FHAD1: variants seen among roughly 807,000 people sequenced by gnomAD.
The protein encoded by FHAD1 is forkhead associated phosphopeptide binding domain 1.
A neutral mutation model predicts 191.3 loss-of-function variants in FHAD1; 146 were observed. That is an observed-to-expected ratio of 0.76 (90% confidence interval 0.67 to 0.88). The LOEUF (loss-of-function observed/expected upper bound fraction) is 0.88. Among genes scored for constraint, FHAD1 ranks in the 40% least tolerant of loss-of-function variants. The probability of loss-of-function intolerance (pLI) is 0.00; values close to 1 mark genes in which losing one functional copy is unlikely to be tolerated. For synonymous variants in FHAD1, 616 were observed against 672.3 expected, an observed-to-expected ratio of 0.92 and a Z score of 1.29; for missense variants, 1,635 against 1,785.8, an observed-to-expected ratio of 0.92 and a Z score of 1.52.
intron 4 of FHAD1, among the ~76,000 whole-genome samples, chr1:15,295,711 C>CCA (rs773986511): frequency 2.0e-5 from 3 of 152,208 alleles, no homozygotes; most frequent in East Asian, 3.9e-4. Flanking sequence ...AATGTGGAAC[C>CCA]CACACATATG....
intron 21 of FHAD1, among the ~76,000 whole-genome samples, chr1:15,359,379 G>T (rs933786233): frequency 2.6e-5 from 4 of 152,074 alleles, no homozygotes; most frequent in African/African-American, 9.7e-5. Flanking sequence ...AGAGGCCAAG[G>T]CCCAGCACGT....
intron 3 of FHAD1, among the ~76,000 whole-genome samples, chr1:15,282,058 G>A (rs865859304): frequency 3.9e-5 from 6 of 152,106 alleles, no homozygotes; most frequent in Admixed American, 1.3e-4. Flanking sequence ...AACAGGGCCC[G>A]CACCTTCTGT....
chr1:15,362,747 G>A (rs1407406932), intron 23 of FHAD1, 21 bp downstream of exon 23: 4 of 1,540,688 alleles, frequency 2.6e-6, no homozygotes, highest in Admixed American at 3.9e-5. Context: ...GTGGGTGTGT[G>A]AGCGCCAGGC....
At chr1:15,331,125 T>C (rs1443068188) in intron 14 of FHAD1, among the ~76,000 whole-genome samples, 1 of 152,048 alleles carries the variant, frequency 6.6e-6, no homozygotes. Flanking sequence ...TGTGATTTCT[T>C]TGCTAAAACT....
chr1:15,324,224 G>A (rs1558111426), intron 10 of FHAD1, among the ~76,000 whole-genome samples: 1 of 152,120 alleles, frequency 6.6e-6, no homozygotes. Flanking sequence ...AGAGCCTGGG[G>A]TAGGACAAAT....
intron 16 of FHAD1, among the ~76,000 whole-genome samples, chr1:15,343,393 A>C: frequency 6.9e-6 from 1 of 145,754 alleles, no homozygotes; most frequent in Non-Finnish European, 1.5e-5. Context: ...GATCCACCGG[A>C]CCCCAACTCT....
At chr1:15,382,502 G>A (rs1701144556) in intron 31 of FHAD1, among the ~76,000 whole-genome samples, 1 of 152,294 alleles carries the variant, frequency 6.6e-6, no homozygotes, top group Admixed American at 6.5e-5. Flanking sequence ...TAAGCTCTCA[G>A]AGAGTGGAGA....
chr1:15,262,408 G>A (rs1256272066), intron 2 of FHAD1, among the ~76,000 whole-genome samples: 5 of 152,152 alleles, frequency 3.3e-5, no homozygotes, highest in Non-Finnish European at 7.3e-5. Context: ...GGTCCCAAGG[G>A]AATAGATCAC....
At chr1:15,345,560 C>T (rs112134169) in intron 18 of FHAD1, 37 bp downstream of exon 18, 15,850 of 1,491,758 alleles carry the variant, frequency 0.011, 124 homozygotes, top group Non-Finnish European at 0.012. Flanking sequence ...GAGCCCCAGT[C>T]GGCTTGAGGG....
rs1377736171 is a variant in FHAD1 at position 15,324,955 on chromosome 1, A to G, written c.1473+396A>G. ...CCAGCAGACATTACAGACAGTGTCT[A>G]TAAGGAAATGCCACTTTTCTTAATA... On this transcript the variant is annotated intron_variant, in intron 11 of 33. Coordinates refer to ENST00000688493, the MANE Select transcript of FHAD1 (RefSeq NM_001391957.1). 10 of 232,800 alleles carry G rather than the reference A, an allele frequency of 4.3e-5. No homozygotes were observed. In the East Asian group the frequency reaches 9.6e-4, roughly 22 times the overall value. The allele number at this position is 232,800 out of a possible 1,614,324, so 14.4% of individuals were successfully genotyped here.
chr1:15,317,015 G>A (rs558610399), intron 9 of FHAD1, among the ~76,000 whole-genome samples: 14 of 152,116 alleles, frequency 9.2e-5, no homozygotes, highest in Admixed American at 2.0e-4. Context: ...GTGAAACCCC[G>A]TCTCTACTGA....
chr1:15,309,037 C>T (rs919200006), intron 7 of FHAD1, among the ~76,000 whole-genome samples: 1 of 152,204 alleles, frequency 6.6e-6, no homozygotes, highest in African/African-American at 2.4e-5. Flanking sequence ...AGGGAACACA[C>T]AGGACAAGCT....
At chr1:15,253,814 T>G (rs2100827963) in intron 2 of FHAD1, among the ~76,000 whole-genome samples, 1 of 152,358 alleles carries the variant, frequency 6.6e-6, no homozygotes, top group South Asian at 2.1e-4. Flanking sequence ...TTGCATTGGC[T>G]GGGACTTCCA....
At chr1:15,244,709 C>T (rs1645794659), upstream of FHAD1, among the ~76,000 whole-genome samples, 1 of 152,088 alleles carries the variant, frequency 6.6e-6, no homozygotes. The surrounding 1 kb of genome is among the most constrained non-coding windows in gnomAD (Gnocchi z 5.1). Flanking sequence ...GCAAACAAAA[C>T]ATGAAAAAAG....
At chr1:15,247,988 G>A (rs1488712326) in intron 1 of FHAD1, among the ~76,000 whole-genome samples, 1 of 151,890 alleles carries the variant, frequency 6.6e-6, no homozygotes, top group African/African-American at 2.4e-5. Flanking sequence ...GTAGGAAAGT[G>A]ACTGCACAGG....
At chr1:15,248,299 G>A (rs1646347096) in intron 1 of FHAD1, among the ~76,000 whole-genome samples, 1 of 152,154 alleles carries the variant, frequency 6.6e-6, no homozygotes, top group African/African-American at 2.4e-5. Context: ...TGCAAGCTAA[G>A]TTAGCCTGCC....
intron 21 of FHAD1, among the ~76,000 whole-genome samples, chr1:15,358,620 T>C (rs905563507): frequency 3.3e-5 from 5 of 152,290 alleles, no homozygotes; most frequent in Admixed American, 2.6e-4. Flanking sequence ...CTGCACGGTG[T>C]TCTGAGATGT....
chr1:15,401,817 CA>C (rs1233706246), downstream of FHAD1, among the ~76,000 whole-genome samples: 1 of 152,246 alleles, frequency 6.6e-6, no homozygotes, highest in Non-Finnish European at 1.5e-5. Flanking sequence ...GAGGCTATTT[CA>C]GCTCATCAGC....
chr1:15,272,216 C>G, intron 2 of FHAD1, 107 bp from the exon 3 acceptor site: 1 of 972,118 alleles, frequency 1.0e-6, no homozygotes, highest in South Asian at 1.6e-5. Context: ...TGAGGATTGT[C>G]GTGATGATCT....
Sources: gnomAD v4.1 joint callset for allele counts (sites outside exome capture counted in the v4.1 genomes callset) on GRCh38, gnomAD v4.1.1 for gene constraint, Gnocchi (gnomAD v3.1) non-coding constraint, MANE v1.5 for transcripts, NCBI Gene and HGNC (gene_info 2026-07-23, HGNC 2026-07-21) for gene names.